CREBBP: variants seen among roughly 807,000 people sequenced by gnomAD.
CREBBP encodes CREB binding lysine acetyltransferase.
In CREBBP, 19 loss-of-function variants were observed where a neutral mutation model predicts 265.0. The observed-to-expected ratio is 0.07, with a 90% CI of 0.05 to 0.11. CREBBP has a LOEUF of 0.11. Ranked by LOEUF, CREBBP falls within the 10% of genes least tolerant of loss-of-function variation. The probability of loss-of-function intolerance (pLI) is 1.00; values close to 1 mark genes in which losing one functional copy is unlikely to be tolerated. For synonymous variants in CREBBP, 1,457 were observed against 1,223.7 expected, an observed-to-expected ratio of 1.19 and a Z score of -3.98; for missense variants, 2,525 against 3,219.0, an observed-to-expected ratio of 0.78 and a Z score of 5.22.
intron 2 of CREBBP, among the ~76,000 whole-genome samples, chr16:3,814,093 G>C (rs1440137713): frequency 6.6e-6 from 1 of 152,190 alleles, no homozygotes; most frequent in Non-Finnish European, 1.5e-5. Flanking sequence ...GCCAGGGTGA[G>C]TATGAGTGTG....
intron 2 of CREBBP, among the ~76,000 whole-genome samples, chr16:3,813,788 T>C (rs2053982723): frequency 6.6e-6 from 1 of 152,228 alleles, no homozygotes; most frequent in Non-Finnish European, 1.5e-5. Context: ...TCACACCTTA[T>C]GTCAACCAAT....
At chr16:3,738,480 A>G in intron 26 of CREBBP, 79 bp downstream of exon 26, 1 of 858,530 alleles carries the variant, frequency 1.2e-6, no homozygotes, top group South Asian at 1.4e-5. Flanking sequence ...AACTTAAAAT[A>G]CCCATTATTT....
intron 5 of CREBBP, among the ~76,000 whole-genome samples, chr16:3,788,755 A>C (rs1230781895): frequency 6.6e-6 from 1 of 152,168 alleles, no homozygotes; most frequent in Non-Finnish European, 1.5e-5. Flanking sequence ...AGTTCGAGAC[A>C]AGCCTGAGCA....
chr16:3,857,693 G>A (rs1054718677), intron 1 of CREBBP, among the ~76,000 whole-genome samples: 1 of 152,146 alleles, frequency 6.6e-6, no homozygotes, highest in Admixed American at 6.5e-5. Flanking sequence ...AGGAGACTGT[G>A]GGCACCCTGC....
chr16:3,768,262 C>T (rs1026085105), intron 15 of CREBBP, among the ~76,000 whole-genome samples: 8 of 146,430 alleles, frequency 5.5e-5, no homozygotes, highest in Non-Finnish European at 1.5e-5. Flanking sequence ...TCTCCTGCCT[C>T]AGCCTCCCGA....
chr16:3,823,068 C>T (rs2054171369), intron 2 of CREBBP, among the ~76,000 whole-genome samples: 1 of 152,154 alleles, frequency 6.6e-6, no homozygotes, highest in African/African-American at 2.4e-5. Flanking sequence ...TGTATAATCC[C>T]CATAAAACAC....
At position 3,728,418 on chromosome 16, in the gene CREBBP, T is replaced by C. The variant is rs1226021314; in HGVS notation, c.6629A>G (p.Gln2210Arg). The change falls in exon 31 of 31, where the codon CAG (glutamine) becomes CGG (arginine). Residue 2210 changes from glutamine to arginine, a missense_variant. Coordinates refer to ENST00000262367, the MANE Select transcript of CREBBP (RefSeq NM_004380.3). This position sits in a 1 kb window ranked among gnomAD's most constrained non-coding sequence, Gnocchi z 8.7. ...QQQQQQQQQQ[Q>R]QQQQQQGSAG... is the part of the protein sequence containing the mutation. Reference sequence around the variant, plus strand: ...ACTCCCTTGCTGCTGCTGCTGTTGCTGCTGTTGTTGCTGCTGCTGTTGCTG... The same window carrying C: ...ACTCCCTTGCTGCTGCTGCTGTTGCCGCTGTTGTTGCTGCTGCTGTTGCTG... The C allele has an allele frequency of 6.2e-7, 1 of 1,612,962 alleles. No individual in the cohort carries two copies. The highest frequency in any genetic ancestry group is 8.5e-7 in the Non-Finnish European group (1 of 1,179,454).
intron 2 of CREBBP, among the ~76,000 whole-genome samples, chr16:3,836,264 T>G (rs950062317): frequency 6.6e-6 from 1 of 151,422 alleles, no homozygotes; most frequent in African/African-American, 2.4e-5. Context: ...TGAAACCCTA[T>G]CTCTACCAAA....
intron 8 of CREBBP, among the ~76,000 whole-genome samples, chr16:3,779,077 G>T (rs963519305): frequency 2.0e-5 from 3 of 151,450 alleles, no homozygotes; most frequent in African/African-American, 7.3e-5. Flanking sequence ...TGAGGCAAGA[G>T]AATTGCTTGA....
chr16:3,745,451 G>T, intron 21 of CREBBP, 97 bp from the exon 22 acceptor site: 1 of 1,121,616 alleles, frequency 8.9e-7, no homozygotes. Flanking sequence ...TTGTTCTCTG[G>T]GTTACTTTGA....
intron 2 of CREBBP, among the ~76,000 whole-genome samples, chr16:3,812,475 G>A (rs192163352): frequency 2.0e-5 from 3 of 151,776 alleles, no homozygotes; most frequent in Admixed American, 1.3e-4. Context: ...CACTGCGCCC[G>A]GCCTAAAATT....
chr16:3,804,345 GA>G (rs917121749), intron 3 of CREBBP, among the ~76,000 whole-genome samples: 2 of 152,002 alleles, frequency 1.3e-5, no homozygotes, highest in Non-Finnish European at 2.9e-5. Flanking sequence ...GGATTAGAGG[GA>G]AAAAAAGGAA....
chr16:3,821,425 T>C (rs1350961445), intron 2 of CREBBP, among the ~76,000 whole-genome samples: 1 of 152,098 alleles, frequency 6.6e-6, no homozygotes, highest in Non-Finnish European at 1.5e-5. Context: ...TGGAGCAAGG[T>C]CTTCCATCCC....
chr16:3,765,655 T>C (rs1038238914), intron 16 of CREBBP, among the ~76,000 whole-genome samples: 3 of 152,118 alleles, frequency 2.0e-5, no homozygotes, highest in Non-Finnish European at 4.4e-5. Context: ...TTATTATTAG[T>C]ATTATTTTTT....
chr16:3,762,993 C>G (rs1296730842), intron 16 of CREBBP, among the ~76,000 whole-genome samples: 1 of 151,828 alleles, frequency 6.6e-6, no homozygotes, highest in Non-Finnish European at 1.5e-5. Context: ...CCAGGATGGT[C>G]TCGATCTCCC....
At chr16:3,826,676 A>G (rs190211148) in intron 2 of CREBBP, among the ~76,000 whole-genome samples, 1 of 152,202 alleles carries the variant, frequency 6.6e-6, no homozygotes, top group African/African-American at 2.4e-5. Flanking sequence ...GTTCTCCTCA[A>G]AACTGTCAAG....
intron 13 of CREBBP, among the ~76,000 whole-genome samples, chr16:3,773,309 T>C (rs2053059605): frequency 6.6e-6 from 1 of 152,224 alleles, no homozygotes; most frequent in East Asian, 1.9e-4. Context: ...GAAATGATTC[T>C]GTTAGCTTGA....
At chr16:3,777,721 A>T in intron 10 of CREBBP, 64 bp from the exon 11 acceptor site, 1 of 1,580,834 alleles carries the variant, frequency 6.3e-7, no homozygotes. Context: ...TCCTTGATTC[A>T]GGAATAGGAA....
intron 2 of CREBBP, among the ~76,000 whole-genome samples, chr16:3,812,512 T>TA (rs1394846884): frequency 6.6e-6 from 1 of 151,220 alleles, no homozygotes; most frequent in Non-Finnish European, 1.5e-5. Context: ...TTTATAAAAT[T>TA]AAAGTGCACT....
Sources: allele counts gnomAD v4.1 joint callset (sites outside exome capture counted in the v4.1 genomes callset), GRCh38; gene constraint gnomAD v4.1.1; non-coding constraint Gnocchi (gnomAD v3.1); transcripts MANE v1.5; gene names NCBI Gene and HGNC (gene_info 2026-07-23, HGNC 2026-07-21).